The following SLC26A3 variants were observed in gnomAD, a reference collection of about 807,000 sequenced individuals.
SLC26A3 encodes the protein chloride anion exchanger.
Under a neutral mutation model 85.6 loss-of-function variants are expected in SLC26A3, and 64 were observed. The observed-to-expected ratio is 0.75, with a 90% CI of 0.61 to 0.92. The LOEUF (loss-of-function observed/expected upper bound fraction) is 0.92. SLC26A3 is among the 40% of genes least tolerant of loss of function. The pLI, the probability that SLC26A3 is intolerant of heterozygous loss-of-function variation, is 0.00. For synonymous variants in SLC26A3, 349 were observed against 336.0 expected (o/e 1.04, Z -0.42); for missense variants, 922 against 927.3 (o/e 0.99, Z 0.07).
At position 107,783,204 on chromosome 7, in the gene SLC26A3, C is replaced by A; in HGVS notation, c.1119+1G>T. On this transcript the variant is annotated splice_donor_variant, in intron 9 of 20. Transcript: ENST00000340010. LOFTEE classifies it high-confidence loss of function. ...AGACCCAGTGTAGTTTGTTTACTTA[C>A]CTGATTGCCATCAAGTGGATAATCG... 2 of 1,614,148 alleles carry A rather than the reference C, an allele frequency of 1.2e-6. No individual in the cohort carries two copies. The highest frequency in any genetic ancestry group is 2.2e-5 in the East Asian group (1 of 44,888).
At chr7:107,768,011 C>T in intron 18 of SLC26A3, 103 bp from the exon 19 acceptor site, 2 of 1,043,114 alleles carry the variant, frequency 1.9e-6, no homozygotes, top group Admixed American at 1.9e-5. Flanking sequence ...ATGTGCGTTT[C>T]ATTGACATTT....
Position 107,765,727 on chromosome 7 carries a change from T to C in SLC26A3, c.*128A>G, listed in dbSNP as rs1477650722. 1.4e-6 allele frequency: 1 copy of C among 718,332 alleles called. No individual in the cohort carries two copies. The highest frequency in any genetic ancestry group is 2.5e-6 in the Non-Finnish European group (1 of 404,668). 44.5% of individuals were successfully genotyped at this position (718,332 alleles called of 1,614,324 possible). On this transcript the variant is annotated 3_prime_UTR_variant, in exon 21 of 21. Transcript: ENST00000340010. The stretch of plus-strand genomic sequence containing the variant: ...ATATGCCATGCTAGAACCATCTTGT[T>C]CCAAAGTTTGAAACATATTCTGTCA...
At chr7:107,782,901 C>T (rs749908294) in intron 10 of SLC26A3, 27 bp from the exon 11 acceptor site, 2 of 1,613,654 alleles carry the variant, frequency 1.2e-6, no homozygotes, top group Non-Finnish European at 8.5e-7. Flanking sequence ...ATTATCATCA[C>T]CAACTCAACT....
At chr7:107,772,636 T>C (rs1794045325) in intron 17 of SLC26A3, among the ~76,000 whole-genome samples, 1 of 152,182 alleles carries the variant, frequency 6.6e-6, no homozygotes, top group South Asian at 2.1e-4. Context: ...TATTGTTTGA[T>C]CAGGTTAGAT....
chr7:107,773,210 T>C (rs1794054754), intron 17 of SLC26A3, among the ~76,000 whole-genome samples: 1 of 152,232 alleles, frequency 6.6e-6, no homozygotes, highest in Non-Finnish European at 1.5e-5. Context: ...CATCAGCTTA[T>C]AATGGATGAG....
At chr7:107,797,728 C>A (rs905330148) in intron 1 of SLC26A3, among the ~76,000 whole-genome samples, 2 of 118,662 alleles carry the variant, frequency 1.7e-5, no homozygotes, top group Non-Finnish European at 3.2e-5. Context: ...TTCTGAGATT[C>A]TTGAGCAGGA....
Position 107,776,433 on chromosome 7 carries a change from A to C in SLC26A3, c.1677+19T>G. 1 of 1,589,854 alleles carries C rather than the reference A, an allele frequency of 6.3e-7. No individual in the cohort carries two copies. Among genetic ancestry groups the C allele is most frequent in the Non-Finnish European group, 8.6e-7 (1 of 1,158,204 alleles). On this transcript the variant is annotated intron_variant, in intron 15 of 20. Coordinates refer to ENST00000340010, the MANE Select transcript of SLC26A3 (RefSeq NM_000111.3). Reference sequence around the variant, plus strand: ...CAGTAAGATTACAAGGAAAAAAATTAAATAACCCCAAACCTTACAGCATCG... The same window carrying C: ...CAGTAAGATTACAAGGAAAAAAATTCAATAACCCCAAACCTTACAGCATCG...
intron 3 of SLC26A3, among the ~76,000 whole-genome samples, 154 bp from the exon 4 acceptor site, chr7:107,792,094 A>G (rs111879779): frequency 6.6e-6 from 1 of 152,234 alleles, no homozygotes; most frequent in Non-Finnish European, 1.5e-5. Context: ...AACTAAAACT[A>G]TAAAACTTTT....
chr7:107,782,966 A>C lies in SLC26A3; in HGVS notation c.1233+14T>G. ...AACGCTAGGACAGTGCTTGCAGCAA[A>C]GATCTTGACATACCTGTGTTTTGCC... is the stretch of plus-strand genomic sequence containing the variant. On this transcript the variant is annotated intron_variant, in intron 10 of 20. Coordinates refer to ENST00000340010, the MANE Select transcript of SLC26A3 (RefSeq NM_000111.3). 6.2e-7 allele frequency: 1 copy of C among 1,613,656 alleles called. No homozygotes were observed. Among genetic ancestry groups the C allele is most frequent in the South Asian group, 1.1e-5 (1 of 91,082 alleles).
At chr7:107,802,087 G>A (rs538879231) in intron 1 of SLC26A3, among the ~76,000 whole-genome samples, 21 of 129,214 alleles carry the variant, frequency 1.6e-4, no homozygotes, top group Admixed American at 3.3e-4. Flanking sequence ...GTGAGAATCC[G>A]TCTCAGAAAA....
At chr7:107,777,000 G>T in intron 13 of SLC26A3, among the ~76,000 whole-genome samples, 1 of 152,160 alleles carries the variant, frequency 6.6e-6, no homozygotes, top group East Asian at 1.9e-4. Context: ...GAGGTAAGGT[G>T]GATATGATTA....
chr7:107,780,152 G>A (rs1794193720), intron 11 of SLC26A3, among the ~76,000 whole-genome samples: 1 of 151,852 alleles, frequency 6.6e-6, no homozygotes, highest in South Asian at 2.1e-4. Context: ...AAGGAGATGG[G>A]GGTTGCTCTT....
Position 107,782,786 on chromosome 7 carries a change from G to T in SLC26A3, c.1311+11C>A, listed in dbSNP as rs769074578. On this transcript the variant is annotated intron_variant, in intron 11 of 20. Coordinates refer to ENST00000340010, the MANE Select transcript of SLC26A3 (RefSeq NM_000111.3). Reference sequence around the variant, plus strand: ...ACTAAAAGTAGAGATGCTATCCAAAGACAGTGTTACCTTTTGTAGAGGCGC... The same window carrying T: ...ACTAAAAGTAGAGATGCTATCCAAATACAGTGTTACCTTTTGTAGAGGCGC... 16 of 1,612,430 alleles carry T rather than the reference G, an allele frequency of 9.9e-6. No homozygotes were observed. The East Asian group carries it at 3.3e-4, about 34-fold the overall frequency.
intron 1 of SLC26A3, among the ~76,000 whole-genome samples, chr7:107,802,116 G>A (rs1418913201): frequency 2.7e-5 from 4 of 148,622 alleles, no homozygotes; most frequent in Non-Finnish European, 4.5e-5. Context: ...AAAAAGGAAT[G>A]ATCTTTATGC....
chr7:107,771,150 A>G (rs1214053320), intron 18 of SLC26A3, among the ~76,000 whole-genome samples: 1 of 152,194 alleles, frequency 6.6e-6, no homozygotes, highest in Admixed American at 6.5e-5. Context: ...AGAGGGAAGG[A>G]GAGCAGAAAT....
At chr7:107,766,482 G>A (rs1358110414) in intron 20 of SLC26A3, among the ~76,000 whole-genome samples, 1 of 152,058 alleles carries the variant, frequency 6.6e-6, no homozygotes. Context: ...ATCTAGTCCT[G>A]GGAGACAGAA....
At chr7:107,769,729 GT>G (rs760012334) in intron 18 of SLC26A3, among the ~76,000 whole-genome samples, 2 of 151,952 alleles carry the variant, frequency 1.3e-5, no homozygotes, top group African/African-American at 4.8e-5. Flanking sequence ...GAACTTAAAA[GT>G]TTTTTTTAAA....
intron 3 of SLC26A3, among the ~76,000 whole-genome samples, chr7:107,793,373 A>G (rs1584412546): frequency 6.6e-6 from 1 of 152,362 alleles, no homozygotes; most frequent in South Asian, 2.1e-4. Context: ...AGATAAAAAA[A>G]TTGTGATATG....
chr7:107,767,514 A>G (rs774141616), intron 20 of SLC26A3, 65 bp downstream of exon 20: 7 of 1,223,658 alleles, frequency 5.7e-6, no homozygotes, highest in Non-Finnish European at 8.4e-6. Context: ...AAGTGGCCTC[A>G]CTACTTTGAA....
Sources: allele counts gnomAD v4.1 joint callset (sites outside exome capture counted in the v4.1 genomes callset), GRCh38; gene constraint gnomAD v4.1.1; transcripts MANE v1.5; gene names NCBI Gene and HGNC (gene_info 2026-07-23, HGNC 2026-07-21).